Variants in IGFL2 observed in about 807,000 individuals in gnomAD.
IGFL2 encodes IGF like family member 2, also known as insulin growth factor-like family member 2.
Under a neutral mutation model 13.9 loss-of-function variants are expected in IGFL2, and 7 were observed. That is an observed-to-expected ratio of 0.51 (90% CI 0.29 to 0.95). The LOEUF is 0.95. Ranked by LOEUF, IGFL2 falls within the 40% of genes least tolerant of loss-of-function variation. IGFL2 has a pLI of 0.08. For missense variants in IGFL2, 138 were observed against 147.8 expected, an observed-to-expected ratio of 0.93 and a Z score of 0.34; for synonymous variants, 55 against 55.8, an observed-to-expected ratio of 0.99 and a Z score of 0.07.
chr19:46,129,453 G>A, the IGFL2 span, among the ~76,000 whole-genome samples: 1 of 151,680 alleles, frequency 6.6e-6, no homozygotes, highest in African/African-American at 2.4e-5. Flanking sequence ...TAGTTGTGAT[G>A]TTAGGTTGTG....
the IGFL2 span, chr19:46,136,642 T>G: frequency 7.3e-6 from 3 of 409,294 alleles, no homozygotes; most frequent in African/African-American, 2.1e-5. Context: ...AGCAATCCCA[T>G]GTGCAGATAT....
At chr19:46,080,477 G>C in the IGFL2 span, among the ~76,000 whole-genome samples, 1 of 152,206 alleles carries the variant, frequency 6.6e-6, no homozygotes, top group Non-Finnish European at 1.5e-5. Context: ...GTCATGGCTT[G>C]TTCATGGGAA....
intron 1 of IGFL2, among the ~76,000 whole-genome samples, chr19:46,150,940 G>T (rs1973451627): frequency 6.6e-6 from 1 of 152,158 alleles, no homozygotes; most frequent in African/African-American, 2.4e-5. Flanking sequence ...TGCTGGGATT[G>T]CAGGTATGAG....
At chr19:46,168,639 A>G in the IGFL2 span, among the ~76,000 whole-genome samples, 2 of 152,126 alleles carry the variant, frequency 1.3e-5, no homozygotes, top group Non-Finnish European at 2.9e-5. Flanking sequence ...ACTGACAAAC[A>G]ACTTTGTATC....
At chr19:46,204,573 A>C in the IGFL2 span, among the ~76,000 whole-genome samples, 4 of 152,116 alleles carry the variant, frequency 2.6e-5, no homozygotes, top group Admixed American at 2.6e-4. Context: ...CTGTCCTCAA[A>C]CAGCTCTAGG....
chr19:46,203,610 A>G, the IGFL2 span: 1 of 152,228 alleles, frequency 6.6e-6, no homozygotes, highest in Non-Finnish European at 1.5e-5. Flanking sequence ...AACACAGAGC[A>G]CTCCAGCCAC....
At chr19:46,097,024 G>T in the IGFL2 span, among the ~76,000 whole-genome samples, 1 of 152,164 alleles carries the variant, frequency 6.6e-6, no homozygotes, top group Non-Finnish European at 1.5e-5. Context: ...GATGATGCTG[G>T]CCTCATAAAT....
the IGFL2 span, among the ~76,000 whole-genome samples, chr19:46,080,355 G>A: frequency 2.6e-5 from 4 of 151,968 alleles, no homozygotes; most frequent in Admixed American, 6.6e-5. Flanking sequence ...TCAACATAGC[G>A]AGTCAACTTA....
At chr19:46,124,171 T>G in the IGFL2 span, 1 of 1,610,338 alleles carries the variant, frequency 6.2e-7, no homozygotes, top group Non-Finnish European at 8.5e-7. Flanking sequence ...GGGCAGACAT[T>G]GATGGTGTAC....
the IGFL2 span, among the ~76,000 whole-genome samples, chr19:46,133,742 C>T: frequency 6.6e-6 from 1 of 152,174 alleles, no homozygotes; most frequent in Non-Finnish European, 1.5e-5. Flanking sequence ...CTCAATTAGA[C>T]TGGGAGGAAA....
At chr19:46,149,075 T>C in intron 1 of IGFL2, 1 of 1,525,832 alleles carries the variant, frequency 6.6e-7, no homozygotes, top group South Asian at 1.2e-5. Flanking sequence ...CTGAGTTTTG[T>C]TGTGTGTATT....
chr19:46,136,771 CTG>C, the IGFL2 span: 10 of 633,344 alleles, frequency 1.6e-5, no homozygotes, highest in Admixed American at 1.8e-4. Context: ...GGCTGAAGCT[CTG>C]TCTCTCCAAC....
intron 2 of IGFL2, 30 bp downstream of exon 2, chr19:46,160,498 G>A (rs536720429): frequency 1.9e-6 from 3 of 1,613,458 alleles, no homozygotes; most frequent in East Asian, 4.5e-5. Context: ...AGAGTGAAGA[G>A]GAAGGAGGCT....
the IGFL2 span, among the ~76,000 whole-genome samples, chr19:46,135,800 T>C: frequency 6.6e-6 from 1 of 152,262 alleles, no homozygotes. Context: ...GTTGTGTAAA[T>C]GTTTATTAGC....
chr19:46,084,585 A>G, the IGFL2 span, among the ~76,000 whole-genome samples: 6 of 152,232 alleles, frequency 3.9e-5, no homozygotes, highest in South Asian at 1.0e-3. Context: ...CATGGTGCCA[A>G]CATCTGCTTC....
At chr19:46,204,390 G>C in the IGFL2 span, among the ~76,000 whole-genome samples, 13 of 152,302 alleles carry the variant, frequency 8.5e-5, no homozygotes, top group African/African-American at 2.6e-4. Flanking sequence ...ACCTGCAGGG[G>C]CCCCTCATGC....
At chr19:46,091,150 T>C in the IGFL2 span, among the ~76,000 whole-genome samples, 1 of 152,232 alleles carries the variant, frequency 6.6e-6, no homozygotes, top group Non-Finnish European at 1.5e-5. Flanking sequence ...AATTGATGTT[T>C]CCGTGTGGGC....
At chr19:46,168,910 G>GTT in the IGFL2 span, among the ~76,000 whole-genome samples, 1 of 128,926 alleles carries the variant, frequency 7.8e-6, no homozygotes, top group Non-Finnish European at 1.8e-5. Context: ...GTGTGTGTGT[G>GTT]TGTGTATGTG....
chr19:46,113,282 G>T, the IGFL2 span: 1 of 239,642 alleles, frequency 4.2e-6, no homozygotes, highest in East Asian at 1.4e-4. Flanking sequence ...CCTCCAGACA[G>T]GATGTGTTCT....
Sources: gnomAD v4.1 joint callset for allele counts (sites outside exome capture counted in the v4.1 genomes callset) on GRCh38, gnomAD v4.1.1 for gene constraint, MANE v1.5 for transcripts, NCBI Gene and HGNC (gene_info 2026-07-23, HGNC 2026-07-21) for gene names.